HDAC9: variants seen among roughly 807,000 people sequenced by gnomAD.
HDAC9 encodes the protein histone deacetylase 9.
In HDAC9, 41 loss-of-function variants were observed where a neutral mutation model predicts 139.4. The ratio of observed to expected loss-of-function variants is 0.29; its 90% CI spans 0.23 to 0.38. The LOEUF (loss-of-function observed/expected upper bound fraction) is 0.38. HDAC9 is among the 10% of genes least tolerant of loss of function. The pLI is 1.00. For missense variants in HDAC9, 1,147 were observed against 1,297.0 expected, an observed-to-expected ratio of 0.88 and a Z score of 1.78; for synonymous variants, 517 against 476.2, an observed-to-expected ratio of 1.09 and a Z score of -1.12.
chr7:18,524,674 T>C (rs1031448036), intron 2 of HDAC9, among the ~76,000 whole-genome samples: 3 of 152,118 alleles, frequency 2.0e-5, no homozygotes, highest in African/African-American at 7.2e-5. Context: ...TTTCCCATTC[T>C]TAACTCTGTC....
intron 1 of HDAC9, among the ~76,000 whole-genome samples, chr7:18,328,318 A>G (rs1452506275): frequency 2.0e-5 from 3 of 151,758 alleles, no homozygotes; most frequent in East Asian, 3.9e-4. Context: ...TAGGGTGTAG[A>G]TCTTAGCCAT....
intron 2 of HDAC9, among the ~76,000 whole-genome samples, chr7:18,263,747 T>G (rs1282548239): frequency 6.6e-6 from 1 of 151,984 alleles, no homozygotes; most frequent in Non-Finnish European, 1.5e-5. Flanking sequence ...TAGCTGTAAC[T>G]ACAGACATGT....
chr7:18,109,951 T>A (rs1783499262), intron 1 of HDAC9, among the ~76,000 whole-genome samples: 1 of 152,174 alleles, frequency 6.6e-6, no homozygotes, highest in Non-Finnish European at 1.5e-5. Flanking sequence ...CTGCACAGAA[T>A]TGTATTGCTC....
intron 1 of HDAC9, among the ~76,000 whole-genome samples, chr7:18,443,798 G>A (rs1792017131): frequency 6.6e-6 from 1 of 151,642 alleles, no homozygotes; most frequent in South Asian, 2.1e-4. Flanking sequence ...CTCTCTGTGT[G>A]TGTGTGTATA....
chr7:18,822,207 C>A (rs1459204440), intron 17 of HDAC9, among the ~76,000 whole-genome samples: 1 of 152,216 alleles, frequency 6.6e-6, no homozygotes, highest in Non-Finnish European at 1.5e-5. Flanking sequence ...ATCTTCTAAT[C>A]ATATTGTTGG....
Position 18,993,766 on chromosome 7 carries a change from G to A in HDAC9, c.3171-2257G>A, listed in dbSNP as rs561305972. ...TGCAGTTAGCTGTGACTATGCCACTGCACTCCAGCCTGGGCAACAGAGTGA... is the reference window on the plus strand; with the variant it reads ...TGCAGTTAGCTGTGACTATGCCACTACACTCCAGCCTGGGCAACAGAGTGA... On this transcript the variant is annotated intron_variant, in intron 25 of 25. Coordinates refer to ENST00000686413, the MANE Select transcript of HDAC9 (RefSeq NM_178425.4). Among the ~76,000 whole-genome samples the A allele has an allele frequency of 3.3e-5, 5 of 152,138 alleles. No individual in the cohort carries two copies. In the East Asian group the frequency reaches 7.7e-4, roughly 24 times the overall value.
chr7:18,965,596 T>C (rs1229381277), intron 24 of HDAC9, among the ~76,000 whole-genome samples: 1 of 152,244 alleles, frequency 6.6e-6, no homozygotes, highest in Non-Finnish European at 1.5e-5. Context: ...GTGTCATTTG[T>C]TCAACTATCC....
chr7:18,350,725 C>T (rs1782785828), intron 1 of HDAC9, among the ~76,000 whole-genome samples: 1 of 152,154 alleles, frequency 6.6e-6, no homozygotes, highest in African/African-American at 2.4e-5. Flanking sequence ...CATGGAACAA[C>T]TCTTTTATTA....
At chr7:18,340,561 T>C (rs1026155195) in intron 1 of HDAC9, among the ~76,000 whole-genome samples, 3 of 151,596 alleles carry the variant, frequency 2.0e-5, no homozygotes, top group African/African-American at 7.3e-5. Flanking sequence ...CTTCAGGATT[T>C]ATAGTATACA....
At chr7:18,534,044 C>T (rs1241317836) in intron 2 of HDAC9, among the ~76,000 whole-genome samples, 5 of 152,004 alleles carry the variant, frequency 3.3e-5, no homozygotes, top group African/African-American at 9.7e-5. Context: ...AATTTTTCTG[C>T]GTGCACTTTA....
chr7:18,479,743 ATTAC>A (rs1795394546), intron 1 of HDAC9, among the ~76,000 whole-genome samples: 1 of 151,802 alleles, frequency 6.6e-6, no homozygotes, highest in African/African-American at 2.4e-5. Flanking sequence ...TCCTTTATCT[ATTAC>A]TTCTTCAATT....
chr7:18,509,867 A>G (rs1800936990), intron 2 of HDAC9, among the ~76,000 whole-genome samples: 1 of 151,902 alleles, frequency 6.6e-6, no homozygotes, highest in South Asian at 2.1e-4. Context: ...CCCCCCAATT[A>G]GTTATATTAT....
chr7:18,915,642 A>G (rs1395177640), intron 22 of HDAC9, among the ~76,000 whole-genome samples: 1 of 44,456 alleles, frequency 2.2e-5, no homozygotes, highest in Non-Finnish European at 5.1e-5. Flanking sequence ...TCTTTCTGCC[A>G]TTGTTAAAAA....
chr7:18,988,452 T>C (rs1463309428), intron 25 of HDAC9, among the ~76,000 whole-genome samples: 1 of 151,814 alleles, frequency 6.6e-6, no homozygotes, highest in Non-Finnish European at 1.5e-5. Flanking sequence ...TTCTGTTCTT[T>C]TACATTTGCT....
At chr7:18,832,542 G>A (rs577407364) in intron 19 of HDAC9, among the ~76,000 whole-genome samples, 20 of 152,158 alleles carry the variant, frequency 1.3e-4, no homozygotes, top group Non-Finnish European at 4.4e-5. Context: ...TAGATACAAG[G>A]TCTATTTTGG....
At chr7:18,197,386 G>A (rs7808150) in intron 2 of HDAC9, among the ~76,000 whole-genome samples, 5,361 of 152,218 alleles carry the variant, frequency 0.035, 331 homozygotes, top group African/African-American at 0.12. Flanking sequence ...AGTCAATTTT[G>A]ATGGAAAATA....
intron 13 of HDAC9, among the ~76,000 whole-genome samples, chr7:18,747,154 G>C (rs1788046329): frequency 6.6e-6 from 1 of 152,180 alleles, no homozygotes; most frequent in Non-Finnish European, 1.5e-5. Flanking sequence ...AAAAGAGGGA[G>C]ATATATGAAT....
chr7:18,990,902 C>T (rs553837168), intron 25 of HDAC9, among the ~76,000 whole-genome samples: 7 of 152,240 alleles, frequency 4.6e-5, no homozygotes, highest in Non-Finnish European at 1.0e-4. Flanking sequence ...CCTGCTTGGG[C>T]TCGCGCATGG....
intron 25 of HDAC9, among the ~76,000 whole-genome samples, chr7:18,980,778 C>T (rs10256357): frequency 0.018 from 1,710 of 95,530 alleles, 23 homozygotes; most frequent in African/African-American, 0.058. Flanking sequence ...CTTCTTCTTC[C>T]TCTTCTTCTT....
Sources: gnomAD v4.1 joint callset for allele counts (sites outside exome capture counted in the v4.1 genomes callset) on GRCh38, gnomAD v4.1.1 for gene constraint, MANE v1.5 for transcripts, NCBI Gene and HGNC (gene_info 2026-07-23, HGNC 2026-07-21) for gene names.